The following PROM1 variants were observed in gnomAD, a reference collection of about 807,000 sequenced individuals.
The protein encoded by PROM1 is prominin 1.
Under a neutral mutation model 116.9 loss-of-function variants are expected in PROM1, and 105 were observed. The observed-to-expected ratio is 0.90, with a 90% CI of 0.77 to 1.06. PROM1 has a LOEUF of 1.06. Ranked by LOEUF, PROM1 falls within the 50% of genes least tolerant of loss-of-function variation. PROM1 has a pLI of 0.00. For missense variants in PROM1, 1,122 were observed against 1,045.2 expected, an observed-to-expected ratio of 1.07 and a Z score of -1.01; for synonymous variants, 393 against 387.0, an observed-to-expected ratio of 1.02 and a Z score of -0.18.
intron 13 of PROM1, among the ~76,000 whole-genome samples, chr4:16,002,972 A>G (rs1335386626): frequency 1.3e-5 from 2 of 152,232 alleles, no homozygotes; most frequent in South Asian, 2.1e-4. Context: ...AGAGCAAAAG[A>G]AGGTGAAAAA....
intron 8 of PROM1, among the ~76,000 whole-genome samples, chr4:16,022,857 T>C (rs570865016): frequency 3.8e-4 from 58 of 152,306 alleles, no homozygotes; most frequent in African/African-American, 1.4e-3. Flanking sequence ...AAGGAATCAA[T>C]TTCCCTCTGA....
At chr4:16,021,787 C>T (rs977913601) in intron 8 of PROM1, among the ~76,000 whole-genome samples, 3 of 152,140 alleles carry the variant, frequency 2.0e-5, no homozygotes, top group Admixed American at 6.6e-5. Context: ...CCAGGTAACA[C>T]GGGCTCTTGC....
chr4:16,072,609 T>C (rs1196037724), intron 2 of PROM1, among the ~76,000 whole-genome samples: 1 of 152,216 alleles, frequency 6.6e-6, no homozygotes, highest in Non-Finnish European at 1.5e-5. Context: ...ACAAAGACAG[T>C]AACAGACCTT....
intron 2 of PROM1, among the ~76,000 whole-genome samples, chr4:16,072,810 ATACTTTGCAGAG>A (rs936374921): frequency 6.6e-6 from 1 of 152,192 alleles, no homozygotes; most frequent in Non-Finnish European, 1.5e-5. Flanking sequence ...TACTTTGCAG[ATACTTTGCAGAG>A]TACTTTGCAG....
At chr4:15,993,904 T>C in intron 16 of PROM1, 83 bp downstream of exon 16, 1 of 1,552,134 alleles carries the variant, frequency 6.4e-7, no homozygotes, top group Non-Finnish European at 8.7e-7. Flanking sequence ...GCAAATTTCA[T>C]CTCAATTTCC....
intron 3 of PROM1, among the ~76,000 whole-genome samples, chr4:16,036,017 C>T (rs1409175738): frequency 6.6e-6 from 1 of 152,148 alleles, no homozygotes; most frequent in Non-Finnish European, 1.5e-5. Context: ...GGTTCTTAAT[C>T]CGTATGCTAA....
intron 2 of PROM1, among the ~76,000 whole-genome samples, chr4:16,068,916 C>A (rs1434648930): frequency 6.6e-6 from 1 of 152,120 alleles, no homozygotes. Context: ...TACAAATAGG[C>A]CAACCATCCT....
intron 2 of PROM1, among the ~76,000 whole-genome samples, chr4:16,069,848 GGA>G (rs1742399105): frequency 6.6e-6 from 1 of 152,152 alleles, no homozygotes; most frequent in South Asian, 2.1e-4. Flanking sequence ...TAACATTTAT[GGA>G]CAGATAAAGG....
At chr4:16,043,102 A>G (rs1266402059) in intron 2 of PROM1, among the ~76,000 whole-genome samples, 1 of 152,228 alleles carries the variant, frequency 6.6e-6, no homozygotes, top group Non-Finnish European at 1.5e-5. Flanking sequence ...AATATGATAA[A>G]TATTGATAAA....
At chr4:16,006,032 C>T (rs550030792) in intron 13 of PROM1, among the ~76,000 whole-genome samples, 59 of 152,222 alleles carry the variant, frequency 3.9e-4, no homozygotes, top group Non-Finnish European at 7.6e-4. Context: ...CCTGTTCTCA[C>T]GCCTAATCTA....
At chr4:16,044,018 C>T (rs1377919183) in intron 2 of PROM1, among the ~76,000 whole-genome samples, 2 of 152,188 alleles carry the variant, frequency 1.3e-5, no homozygotes, top group Non-Finnish European at 2.9e-5. Flanking sequence ...TGCAGTTTCT[C>T]ACTACACTTC....
intron 2 of PROM1, among the ~76,000 whole-genome samples, chr4:16,068,378 T>TA (rs1411262310): frequency 2.0e-5 from 3 of 152,230 alleles, no homozygotes; most frequent in Non-Finnish European, 2.9e-5. Context: ...GAGAGACAGA[T>TA]AGCAGCCTAT....
At chr4:15,983,680 A>G (rs1718549340) in intron 23 of PROM1, among the ~76,000 whole-genome samples, 1 of 152,192 alleles carries the variant, frequency 6.6e-6, no homozygotes, top group Non-Finnish European at 1.5e-5. Context: ...GAGAGCACAC[A>G]GTGAGATCTG....
chr4:16,050,088 C>A (rs1737498210), intron 2 of PROM1, among the ~76,000 whole-genome samples: 1 of 151,644 alleles, frequency 6.6e-6, no homozygotes, highest in South Asian at 2.1e-4. Context: ...TGGTTAAACC[C>A]CGTCTCTACT....
At position 16,025,192 on chromosome 4, in the gene PROM1, C is replaced by T; in HGVS notation, c.630G>A (p.Glu210=). The T allele has an allele frequency of 6.2e-7, 1 of 1,613,346 alleles. No individual in the cohort carries two copies. The highest frequency in any genetic ancestry group is 8.5e-7 in the Non-Finnish European group (1 of 1,179,486). Residue 210 remains glutamate, a splice_region_variant and synonymous_variant, in exon 6 of 28, where the codon GAG becomes GAA. Transcript: ENST00000447510. ...GGTACATAGAGATGATGGTTTTTACCTCTGGAGTTTCATTCAAGAGAGTTC... is the reference window on the plus strand; with the variant it reads ...GGTACATAGAGATGATGGTTTTTACTTCTGGAGTTTCATTCAAGAGAGTTC... The part of the protein sequence containing the change: ...DLRTLLNETP[E]QIKYILAQYN...
chr4:15,985,650 T>C, intron 22 of PROM1, 110 bp downstream of exon 22: 2 of 884,334 alleles, frequency 2.3e-6, no homozygotes, highest in Non-Finnish European at 3.6e-6. Context: ...TTCACTTACT[T>C]CCTACCAAAT....
chr4:15,973,102 C>T (rs1227019375), intron 26 of PROM1, among the ~76,000 whole-genome samples: 1 of 152,172 alleles, frequency 6.6e-6, no homozygotes, highest in Non-Finnish European at 1.5e-5. Context: ...GTAGCATTCC[C>T]CGGGATCCAC....
intron 9 of PROM1, among the ~76,000 whole-genome samples, chr4:16,017,207 C>T (rs1728617602): frequency 6.6e-6 from 1 of 152,180 alleles, no homozygotes; most frequent in Admixed American, 6.5e-5. Context: ...TATGAACAGA[C>T]AGATAAACTG....
At chr4:15,985,875 A>G in intron 21 of PROM1, 47 bp from the exon 22 acceptor site, 6 of 1,235,074 alleles carry the variant, frequency 4.9e-6, no homozygotes, top group Non-Finnish European at 4.6e-6. Flanking sequence ...TGATGACAGC[A>G]TACTTAAACA....
Sources: gnomAD v4.1 joint callset for allele counts (sites outside exome capture counted in the v4.1 genomes callset) on GRCh38, gnomAD v4.1.1 for gene constraint, MANE v1.5 for transcripts, NCBI Gene and HGNC (gene_info 2026-07-23, HGNC 2026-07-21) for gene names.